Variants in KIRREL3 observed in about 807,000 individuals in gnomAD.
The protein encoded by KIRREL3 is kirre like nephrin family adhesion molecule 3, also known as kin of IRRE-like protein 3.
Under a neutral mutation model 89.7 loss-of-function variants are expected in KIRREL3, and 36 were observed. The ratio of observed to expected loss-of-function variants is 0.40; its 90% confidence interval spans 0.31 to 0.53. KIRREL3 has a LOEUF of 0.53. Among genes scored for constraint, KIRREL3 ranks in the 20% least tolerant of loss-of-function variants. The pLI is 0.49. For synonymous variants in KIRREL3, 445 were observed against 441.4 expected (o/e 1.01, Z -0.10); for missense variants, 864 against 1,056.6 (o/e 0.82, Z 2.53).
In KIRREL3 at chr11:126,739,334, T is replaced by A. The variant is rs1318767098; in HGVS notation, c.56-176422A>T. On this transcript the variant is annotated intron_variant, in intron 1 of 16. Transcript: ENST00000525144. This position sits in a 1 kb window ranked among gnomAD's most constrained non-coding sequence, Gnocchi z 5.5. ...CTCTGCAAATTGCTTCATCCTCCTC[T>A]GCATAACACCCTTGTGTAGGAGGCT... Among the ~76,000 whole-genome samples, 2 of 152,254 alleles carry A rather than the reference T, an allele frequency of 1.3e-5. No homozygotes were observed. Among genetic ancestry groups the A allele is most frequent in the Non-Finnish European group, 2.9e-5 (2 of 68,042 alleles).
intron 1 of KIRREL3, among the ~76,000 whole-genome samples, chr11:126,737,406 TG>T (rs1948839000): frequency 6.6e-6 from 1 of 151,922 alleles, no homozygotes; most frequent in Non-Finnish European, 1.5e-5. Context: ...TCCTCTGTCA[TG>T]CCTGCATCAC....
intron 1 of KIRREL3, among the ~76,000 whole-genome samples, chr11:126,915,500 C>A (rs896615093): frequency 6.6e-6 from 1 of 152,154 alleles, no homozygotes; most frequent in South Asian, 2.1e-4. Context: ...ACAGGAGAGA[C>A]GTGGTCAACT....
chr11:126,637,304 T>C (rs778321979), intron 1 of KIRREL3, among the ~76,000 whole-genome samples: 2 of 152,194 alleles, frequency 1.3e-5, no homozygotes, highest in Non-Finnish European at 2.9e-5. Flanking sequence ...TAGTGAATCA[T>C]GTTGTAATCA....
rs894865944 is a variant in KIRREL3, at chr11:126,807,807, T to C, written c.55+192648A>G. On this transcript the variant is annotated intron_variant, in intron 1 of 16. Coordinates refer to ENST00000525144, the MANE Select transcript of KIRREL3 (RefSeq NM_032531.4). The surrounding 1 kb of genome is among the most constrained non-coding windows in gnomAD (Gnocchi z 4.3). Reference sequence around the variant, plus strand: ...CTGCTGATGGCTATCGCTGATGTAGTGTTTACCCACTACCAGGCACTCTGT... The same window carrying C: ...CTGCTGATGGCTATCGCTGATGTAGCGTTTACCCACTACCAGGCACTCTGT... Among the ~76,000 whole-genome samples the C allele has an allele frequency of 6.6e-6, 1 of 152,192 alleles. No homozygotes were observed. The highest frequency in any genetic ancestry group is 2.4e-5 in the African/African-American group (1 of 41,432).
chr11:126,584,760 A>G (rs1941736312), intron 1 of KIRREL3, among the ~76,000 whole-genome samples: 1 of 152,194 alleles, frequency 6.6e-6, no homozygotes, highest in South Asian at 2.1e-4. Context: ...GTTGCAGGCC[A>G]GATGCCACTA....
At chr11:126,793,975 T>C (rs1334044922) in intron 1 of KIRREL3, among the ~76,000 whole-genome samples, 1 of 152,178 alleles carries the variant, frequency 6.6e-6, no homozygotes, top group Non-Finnish European at 1.5e-5. Context: ...TTTCTAATGG[T>C]TGAATTTCCA....
chr11:126,498,637 G>A lies in KIRREL3; in HGVS notation c.433+22678C>T, dbSNP rs1457730432. On this transcript the variant is annotated intron_variant, in intron 4 of 16. Coordinates refer to ENST00000525144, the MANE Select transcript of KIRREL3 (RefSeq NM_032531.4). This position sits in a 1 kb window ranked among gnomAD's most constrained non-coding sequence, Gnocchi z 4.3. Reference sequence around the variant, plus strand: ...TCACAGCCAGGAGGGGAAGGGGCCCGTGACCTGGCACCCTGTGACGACAAG... The same window carrying A: ...TCACAGCCAGGAGGGGAAGGGGCCCATGACCTGGCACCCTGTGACGACAAG... Among the ~76,000 whole-genome samples the A allele has an allele frequency of 6.6e-6, 1 of 152,196 alleles. No homozygotes were observed. Among genetic ancestry groups the A allele is most frequent in the Non-Finnish European group, 1.5e-5 (1 of 68,040 alleles).
chr11:126,510,465 C>CTTCCTTCG (rs1223446982), intron 4 of KIRREL3, among the ~76,000 whole-genome samples: 1 of 144,558 alleles, frequency 6.9e-6, no homozygotes, highest in African/African-American at 2.5e-5. Context: ...TCCTTCCTTC[C>CTTCCTTCG]TTCCTTTTTT....
rs531694689 is a variant in KIRREL3 at position 126,848,919 on chromosome 11, G to A, written c.55+151536C>T. On this transcript the variant is annotated intron_variant, in intron 1 of 16. Transcript: ENST00000525144. ...AAGAAGTTACAGAAGATGGATCTTC[G>A]TTCCTCTACAACCCTTAGGATTAAG... 7.2e-5 allele frequency among the ~76,000 whole-genome samples: 11 copies of A among 152,252 alleles called. No individual in the cohort carries two copies. The South Asian group carries it at 8.3e-4, about 11-fold the overall frequency.
intron 1 of KIRREL3, among the ~76,000 whole-genome samples, chr11:126,847,382 A>T (rs1944184237): frequency 6.6e-6 from 1 of 152,102 alleles, no homozygotes; most frequent in Non-Finnish European, 1.5e-5. Context: ...CATGTTTTTG[A>T]CTGTGGCTGC....
intron 1 of KIRREL3, among the ~76,000 whole-genome samples, chr11:126,775,042 A>C (rs1389301443): frequency 9.2e-5 from 14 of 152,134 alleles, no homozygotes; most frequent in Admixed American, 8.5e-4. Flanking sequence ...CCTAATATGC[A>C]ACTGGTAACC....
chr11:126,921,172 A>G (rs1947259162), intron 1 of KIRREL3, among the ~76,000 whole-genome samples: 1 of 152,134 alleles, frequency 6.6e-6, no homozygotes, highest in African/African-American at 2.4e-5. Context: ...TAGGTTCTCC[A>G]ACCTATAGAC....
intron 1 of KIRREL3, among the ~76,000 whole-genome samples, chr11:126,790,174 A>T (rs1565733388): frequency 2.0e-5 from 3 of 152,158 alleles, no homozygotes; most frequent in African/African-American, 4.8e-5. Context: ...AGATTTGTTC[A>T]CTTGTTTCTT....
intron 1 of KIRREL3, among the ~76,000 whole-genome samples, chr11:126,963,802 G>A (rs1165997100): frequency 6.6e-6 from 1 of 152,140 alleles, no homozygotes; most frequent in South Asian, 2.1e-4. Context: ...ACTTCAACAT[G>A]TCTGGAGATG....
Position 126,943,437 on chromosome 11 carries a change from T to C in KIRREL3, c.55+57018A>G, listed in dbSNP as rs1948520575. Among the ~76,000 whole-genome samples the C allele has an allele frequency of 6.6e-6, 1 of 152,218 alleles. No homozygotes were observed. Among genetic ancestry groups the C allele is most frequent in the Non-Finnish European group, 1.5e-5 (1 of 68,050 alleles). ...CATCAAAAGAAGTTCCCTTTATAGA[T>C]TGCATTGTACAAATAGAATTGCCTA... On this transcript the variant is annotated intron_variant, in intron 1 of 16. Coordinates refer to ENST00000525144, the MANE Select transcript of KIRREL3 (RefSeq NM_032531.4). The surrounding 1 kb of genome is among the most constrained non-coding windows in gnomAD (Gnocchi z 4.2).
intron 6 of KIRREL3, among the ~76,000 whole-genome samples, chr11:126,457,775 G>A (rs1422807200): frequency 6.6e-6 from 1 of 152,170 alleles, no homozygotes; most frequent in Non-Finnish European, 1.5e-5. Flanking sequence ...GGCACATAGG[G>A]CCCGACAATG....
At chr11:126,457,443 GTA>G (rs1378072752) in intron 6 of KIRREL3, among the ~76,000 whole-genome samples, 9 of 151,978 alleles carry the variant, frequency 5.9e-5, no homozygotes, top group Non-Finnish European at 8.8e-5. Flanking sequence ...GTGTGTATGT[GTA>G]TGTGTGTGTA....
At chr11:126,803,466 T>C (rs545685008) in intron 1 of KIRREL3, among the ~76,000 whole-genome samples, 1 of 152,080 alleles carries the variant, frequency 6.6e-6, no homozygotes, top group Admixed American at 6.5e-5. Context: ...AAGAAAAAAA[T>C]ATATATTCTC....
intron 1 of KIRREL3, among the ~76,000 whole-genome samples, chr11:126,646,626 C>A (rs1591870807): frequency 6.6e-6 from 1 of 152,088 alleles, no homozygotes; most frequent in East Asian, 1.9e-4. Flanking sequence ...AGGCATGCAC[C>A]ACCACACCCA....
Sources: allele counts gnomAD v4.1 joint callset (sites outside exome capture counted in the v4.1 genomes callset), GRCh38; gene constraint gnomAD v4.1.1; non-coding constraint Gnocchi (gnomAD v3.1); transcripts MANE v1.5; gene names NCBI Gene and HGNC (gene_info 2026-07-23, HGNC 2026-07-21).